The following HAO1 variants were observed in gnomAD, a reference collection of about 807,000 sequenced individuals.
HAO1 encodes hydroxyacid oxidase 1, also known as 2-Hydroxyacid oxidase 1.
Under a neutral mutation model 39.7 loss-of-function variants are expected in HAO1, and 34 were observed. The ratio of observed to expected loss-of-function variants is 0.86; its 90% CI spans 0.65 to 1.14. The LOEUF is 1.14. Ranked by LOEUF, HAO1 falls within the 50% of genes most tolerant of loss-of-function variation. The probability of loss-of-function intolerance (pLI) is 0.00; values close to 1 mark genes in which losing one functional copy is unlikely to be tolerated. For synonymous variants in HAO1, 172 were observed against 173.2 expected (o/e 0.99, Z 0.05); for missense variants, 479 against 464.5 (o/e 1.03, Z -0.29).
In HAO1 at chr20:7,909,360, C is replaced by CATATATATATATATATAT. The variant is rs749171756; in HGVS notation, c.546-3049_546-3032dup. ...AATGCTATTTTTATTCGGATTATGA[C>CATATATATATATATATAT]ATATATATATATATATATGTATATA... On this transcript the variant is annotated intron_variant, in intron 3 of 7. Transcript: ENST00000378789. Among the ~76,000 whole-genome samples the CATATATATATATATATAT allele has an allele frequency of 1.0e-3, 114 of 108,996 alleles. 4 individuals carry two copies. The highest frequency in any genetic ancestry group is 3.3e-3 in the African/African-American group (72 of 22,134). 71.5% of individuals were successfully genotyped at this position (108,996 alleles called of 152,430 possible).
chr20:7,937,295 C>A (rs1449995994), intron 1 of HAO1, among the ~76,000 whole-genome samples: 1 of 152,110 alleles, frequency 6.6e-6, no homozygotes, highest in East Asian at 1.9e-4. Context: ...ATAGTGGATT[C>A]ATGTTTTGTA....
intron 2 of HAO1, among the ~76,000 whole-genome samples, chr20:7,922,130 T>A (rs558862709): frequency 1.4e-4 from 22 of 151,868 alleles, no homozygotes; most frequent in South Asian, 1.3e-3. Flanking sequence ...AGAAAAAAAA[T>A]TGGCAAAGGA....
At chr20:7,888,519 TA>T (rs1184712981) in intron 5 of HAO1, among the ~76,000 whole-genome samples, 2 of 152,146 alleles carry the variant, frequency 1.3e-5, no homozygotes, top group Admixed American at 6.6e-5. Context: ...GGTGCTTAGT[TA>T]AACGCAAAAG....
chr20:7,900,144 TA>T (rs1208171223), intron 4 of HAO1, among the ~76,000 whole-genome samples: 27 of 152,242 alleles, frequency 1.8e-4, no homozygotes. Context: ...ATTAAGCGCA[TA>T]TTTTTTTAGA....
At chr20:7,933,950 C>T (rs1341747630) in intron 2 of HAO1, among the ~76,000 whole-genome samples, 3 of 152,120 alleles carry the variant, frequency 2.0e-5, no homozygotes, top group Admixed American at 6.6e-5. Context: ...CCCAAAACCA[C>T]GGAAGAAAAC....
In HAO1 at chr20:7,940,273, T is replaced by G; in HGVS notation, c.137+13A>C. 8 of 1,586,860 alleles carry G rather than the reference T, an allele frequency of 5.0e-6. No individual in the cohort carries two copies. The South Asian group carries it at 9.2e-5, about 18-fold the overall frequency. The stretch of plus-strand genomic sequence containing the variant: ...AATTTTAAAACATGATTTTAAAAAA[T>G]AAATTTTCTTACCTGGAAAATGCTG... On this transcript the variant is annotated intron_variant, in intron 1 of 7. Coordinates refer to ENST00000378789, the MANE Select transcript of HAO1 (RefSeq NM_017545.3).
At chr20:7,919,332 A>G (rs143321905) in intron 2 of HAO1, among the ~76,000 whole-genome samples, 11 of 152,310 alleles carry the variant, frequency 7.2e-5, no homozygotes, top group Admixed American at 5.2e-4. Flanking sequence ...TTAATGTTAC[A>G]GATATATTCA....
intron 4 of HAO1, among the ~76,000 whole-genome samples, chr20:7,899,950 C>T (rs2050214149): frequency 6.6e-6 from 1 of 152,038 alleles, no homozygotes. Context: ...TATTTTATTT[C>T]CATATTTAAT....
At chr20:7,909,602 T>C (rs1429204356) in intron 3 of HAO1, among the ~76,000 whole-genome samples, 2 of 151,424 alleles carry the variant, frequency 1.3e-5, no homozygotes, top group African/African-American at 2.4e-5. Context: ...CTTTTTAATA[T>C]AGAAGTTGTT....
At chr20:7,911,252 T>C (rs192302989) in intron 3 of HAO1, among the ~76,000 whole-genome samples, 23 of 152,332 alleles carry the variant, frequency 1.5e-4, no homozygotes, top group African/African-American at 5.3e-4. Context: ...TGATCTGTTT[T>C]AGTGTGATAT....
intron 5 of HAO1, among the ~76,000 whole-genome samples, chr20:7,890,701 CT>C (rs1266161606): frequency 6.6e-6 from 1 of 152,128 alleles, no homozygotes; most frequent in African/African-American, 2.4e-5. Flanking sequence ...TTGCCACCCC[CT>C]ATTCTTTCCC....
intron 1 of HAO1, among the ~76,000 whole-genome samples, chr20:7,939,731 G>A (rs1600125207): frequency 6.6e-6 from 1 of 152,138 alleles, no homozygotes; most frequent in Non-Finnish European, 1.5e-5. Context: ...AAACTAATTT[G>A]GGAAGAGAGA....
intron 2 of HAO1, among the ~76,000 whole-genome samples, chr20:7,931,957 TTA>T (rs2050387800): frequency 6.6e-6 from 1 of 152,198 alleles, no homozygotes; most frequent in Admixed American, 6.5e-5. Flanking sequence ...GTTGGTATGG[TTA>T]GGCTTTGTTT....
At chr20:7,888,631 C>T (rs1219680002) in intron 5 of HAO1, among the ~76,000 whole-genome samples, 1 of 152,150 alleles carries the variant, frequency 6.6e-6, no homozygotes, top group African/African-American at 2.4e-5. Flanking sequence ...TTCCTAAGCA[C>T]ACTTAGAAAA....
At chr20:7,917,042 A>G (rs1318706677) in intron 2 of HAO1, among the ~76,000 whole-genome samples, 1 of 152,170 alleles carries the variant, frequency 6.6e-6, no homozygotes, top group Non-Finnish European at 1.5e-5. Flanking sequence ...AATTCACCTG[A>G]AATAAATTAT....
At chr20:7,910,482 A>G (rs2050274113) in intron 3 of HAO1, among the ~76,000 whole-genome samples, 2 of 152,182 alleles carry the variant, frequency 1.3e-5, no homozygotes, top group Non-Finnish European at 2.9e-5. Flanking sequence ...ATAGGGCTGT[A>G]TTTCTGGAGA....
Position 7,885,534 on chromosome 20 carries a change from G to C in HAO1, c.1029C>G (p.Ala343=). 1 of 1,608,824 alleles carries C rather than the reference G, an allele frequency of 6.2e-7. No individual in the cohort carries two copies. Among genetic ancestry groups the C allele is most frequent in the African/African-American group, 1.3e-5 (1 of 74,952 alleles). The change falls in exon 7 of 8, where the codon GCC becomes GCG. Residue 343 remains alanine, a synonymous_variant. Coordinates refer to ENST00000378789, the MANE Select transcript of HAO1 (RefSeq NM_017545.3). ...AATGAGTCTTACCACTCAGAGCCAT[G>C]GCCAACCGGAATTCTTCCTTTAGTA... ...LEILKEEFRL[A]MALSGCQNVK...
intron 2 of HAO1, among the ~76,000 whole-genome samples, chr20:7,920,444 G>A (rs767810842): frequency 2.2e-4 from 33 of 151,990 alleles, no homozygotes; most frequent in Non-Finnish European, 4.4e-4. Flanking sequence ...ATACCTAATC[G>A]TTTAGTAATT....
chr20:7,934,659 A>T, intron 1 of HAO1, 24 bp from the exon 2 acceptor site: 1 of 1,486,422 alleles, frequency 6.7e-7, no homozygotes. Flanking sequence ...ATAAAATAAA[A>T]TAAAAGGCTT....
Sources: allele counts gnomAD v4.1 joint callset (sites outside exome capture counted in the v4.1 genomes callset), GRCh38; gene constraint gnomAD v4.1.1; transcripts MANE v1.5; gene names NCBI Gene and HGNC (gene_info 2026-07-23, HGNC 2026-07-21).